GRID2: variants seen among roughly 807,000 people sequenced by gnomAD.
GRID2 encodes the protein glutamate ionotropic receptor delta type subunit 2, also known as glutamate receptor ionotropic, delta-2.
GRID2 carries 33 observed loss-of-function variants against 114.8 expected under a neutral mutation model. The observed-to-expected ratio is 0.29, with a 90% CI of 0.22 to 0.38. GRID2 has a LOEUF of 0.38. GRID2 is among the 10% of genes least tolerant of loss of function. The probability of loss-of-function intolerance (pLI) is 1.00; values close to 1 mark genes in which losing one functional copy is unlikely to be tolerated. For missense variants in GRID2, 1,184 were observed against 1,257.7 expected (o/e 0.94, Z 0.89); for synonymous variants, 505 against 449.9 (o/e 1.12, Z -1.55).
chr4:92,316,369 CTGCTCTTCTG>C (rs1725981045), intron 1 of GRID2, among the ~76,000 whole-genome samples: 1 of 152,178 alleles, frequency 6.6e-6, no homozygotes, highest in African/African-American at 2.4e-5. Flanking sequence ...GTAAGAGGGA[CTGCTCTTCTG>C]TTCTCTTGTG....
At chr4:93,591,335 T>C (rs1383709637) in intron 13 of GRID2, among the ~76,000 whole-genome samples, 2 of 151,834 alleles carry the variant, frequency 1.3e-5, no homozygotes, top group African/African-American at 2.4e-5. Context: ...TGTCTTTGGC[T>C]CTGTTTATAT....
chr4:92,462,799 A>G (rs1456679543), intron 1 of GRID2, among the ~76,000 whole-genome samples: 1 of 152,040 alleles, frequency 6.6e-6, no homozygotes, highest in African/African-American at 2.4e-5. Context: ...AAAACCAATG[A>G]GACTTGTTAT....
chr4:93,716,962 T>C (rs1439543), intron 14 of GRID2, among the ~76,000 whole-genome samples: 18,956 of 152,174 alleles, frequency 0.12, 1,505 homozygotes, highest in East Asian at 0.4. Context: ...TTTTTACCTA[T>C]ATTTAAAAAG....
At chr4:93,729,837 G>A (rs1730316745) in intron 14 of GRID2, among the ~76,000 whole-genome samples, 1 of 152,090 alleles carries the variant, frequency 6.6e-6, no homozygotes, top group Non-Finnish European at 1.5e-5. Context: ...GTAACACTCT[G>A]CACTTTGATT....
intron 2 of GRID2, among the ~76,000 whole-genome samples, chr4:93,017,806 GAAA>G (rs796967580): frequency 4.1e-5 from 2 of 49,296 alleles, no homozygotes; most frequent in Non-Finnish European, 8.6e-5. Flanking sequence ...TCCTTTTCAA[GAAA>G]AAAAAAAAAA....
chr4:93,765,608 T>TTATATATATATATATATATATATATA (rs66550272), intron 14 of GRID2, among the ~76,000 whole-genome samples: 10 of 29,484 alleles, frequency 3.4e-4, no homozygotes, highest in African/African-American at 9.6e-4. Flanking sequence ...AGGTGAGGTA[T>TTATATATATATATATATATATATATA]TATATATATA....
chr4:92,957,773 T>C (rs1324813637), intron 2 of GRID2, among the ~76,000 whole-genome samples: 1 of 152,082 alleles, frequency 6.6e-6, no homozygotes, highest in Non-Finnish European at 1.5e-5. Flanking sequence ...TATTGAATCT[T>C]TTTGTCCATA....
intron 7 of GRID2, among the ~76,000 whole-genome samples, chr4:93,227,860 C>T (rs1410669452): frequency 6.6e-6 from 1 of 152,168 alleles, no homozygotes. Context: ...TGTCTGAGAC[C>T]TCACCAGAAT....
chr4:93,554,447 A>T (rs554149653), intron 13 of GRID2, among the ~76,000 whole-genome samples: 28 of 151,952 alleles, frequency 1.8e-4, no homozygotes, highest in African/African-American at 6.8e-4. Context: ...TTATTTTTTT[A>T]AATTTTTGGT....
intron 2 of GRID2, among the ~76,000 whole-genome samples, chr4:92,973,413 A>G (rs997921959): frequency 6.6e-6 from 1 of 152,236 alleles, no homozygotes; most frequent in Non-Finnish European, 1.5e-5. Flanking sequence ...TGGTATCTAT[A>G]TAAACATAGT....
At chr4:93,607,990 TC>T (rs1740439573) in intron 13 of GRID2, among the ~76,000 whole-genome samples, 1 of 151,332 alleles carries the variant, frequency 6.6e-6, no homozygotes, top group Non-Finnish European at 1.5e-5. Flanking sequence ...TGGTGTTTTT[TC>T]TCATACAAAG....
chr4:93,714,135 T>C (rs1473227551), intron 14 of GRID2, among the ~76,000 whole-genome samples: 1 of 152,016 alleles, frequency 6.6e-6, no homozygotes, highest in Non-Finnish European at 1.5e-5. Context: ...TTCCCCTCCC[T>C]GTGTCCGTGC....
At chr4:93,737,378 T>C (rs556080332) in intron 14 of GRID2, among the ~76,000 whole-genome samples, 5 of 151,980 alleles carry the variant, frequency 3.3e-5, no homozygotes, top group Non-Finnish European at 7.4e-5. Flanking sequence ...CACCACTAGA[T>C]TTGACTTAAA....
At chr4:93,413,679 G>T (rs993084642) in intron 9 of GRID2, among the ~76,000 whole-genome samples, 2 of 152,024 alleles carry the variant, frequency 1.3e-5, no homozygotes, top group African/African-American at 4.8e-5. Context: ...CACCCTCAAT[G>T]GTTGCTGTTA....
chr4:92,647,766 A>T (rs1161052348), intron 2 of GRID2, among the ~76,000 whole-genome samples: 1 of 149,926 alleles, frequency 6.7e-6, no homozygotes, highest in East Asian at 1.9e-4. Context: ...TACATTCCAT[A>T]TACAAGTTTG....
intron 9 of GRID2, among the ~76,000 whole-genome samples, chr4:93,418,020 A>G (rs1309347506): frequency 6.7e-6 from 1 of 150,260 alleles, no homozygotes. Context: ...CTAGATAAAT[A>G]TTGATGTAAT....
intron 14 of GRID2, among the ~76,000 whole-genome samples, chr4:93,683,350 A>C (rs1313313309): frequency 1.3e-5 from 2 of 152,116 alleles, no homozygotes; most frequent in Non-Finnish European, 2.9e-5. Context: ...ATGCAAGGTT[A>C]AATGGCAGTT....
chr4:92,557,182 T>G (rs1726891942), intron 1 of GRID2, among the ~76,000 whole-genome samples: 1 of 152,078 alleles, frequency 6.6e-6, no homozygotes, highest in African/African-American at 2.4e-5. Flanking sequence ...TTAACAAAAT[T>G]ATATATAGCT....
chr4:93,792,359 C>T (rs912819107), intron 1 of GRID2, among the ~76,000 whole-genome samples: 1 of 152,156 alleles, frequency 6.6e-6, no homozygotes, highest in South Asian at 2.1e-4. Flanking sequence ...CTCCCCCACA[C>T]CTAGCCCTCT....
Sources: gnomAD v4.1 joint callset for allele counts (sites outside exome capture counted in the v4.1 genomes callset) on GRCh38, gnomAD v4.1.1 for gene constraint, MANE v1.5 for transcripts, NCBI Gene and HGNC (gene_info 2026-07-23, HGNC 2026-07-21) for gene names.